The following CALU variants were observed in gnomAD, a reference collection of about 807,000 sequenced individuals.
The protein encoded by CALU is IEF SSP 9302.
Under a neutral mutation model 37.5 loss-of-function variants are expected in CALU, and 13 were observed. The observed-to-expected ratio is 0.35, with a 90% CI of 0.23 to 0.55. The LOEUF (loss-of-function observed/expected upper bound fraction) is 0.55, where lower values mean the gene tolerates loss of function less well. CALU is among the 20% of genes least tolerant of loss of function. The pLI, the probability that CALU is intolerant of heterozygous loss-of-function variation, is 0.89. For missense variants in CALU, 282 were observed against 391.7 expected (o/e 0.72, Z 2.36); for synonymous variants, 114 against 133.8 (o/e 0.85, Z 1.02).
intron 3 of CALU, among the ~76,000 whole-genome samples, chr7:128,758,415 T>C (rs1192509038): frequency 1.3e-5 from 2 of 152,224 alleles, no homozygotes; most frequent in East Asian, 3.8e-4. Flanking sequence ...AGCACTTAGA[T>C]ATATTTTCTC....
At chr7:128,768,766 T>C (rs565033769) in intron 6 of CALU, among the ~76,000 whole-genome samples, 1 of 142,342 alleles carries the variant, frequency 7.0e-6, no homozygotes, top group East Asian at 2.0e-4. Flanking sequence ...TAAATCACTT[T>C]AACACGGGAG....
intron 1 of CALU, among the ~76,000 whole-genome samples, chr7:128,745,814 C>G (rs1800409980): frequency 6.6e-6 from 1 of 152,136 alleles, no homozygotes; most frequent in Non-Finnish European, 1.5e-5. Context: ...ACACAGAAAG[C>G]TAATAAACAT....
chr7:128,769,958 G>A lies in CALU; in HGVS notation c.*791G>A, dbSNP rs1043595. 0.19 allele frequency: 28,366 copies of A among 152,258 alleles called. 3,415 individuals are homozygous for A. The highest frequency in any genetic ancestry group is 0.27 in the Non-Finnish European group (18,656 of 67,990). The allele number at this position is 152,258 out of a possible 1,614,324, so 9.4% of individuals were successfully genotyped here. ...CTGGAAAACTAAAGGAAAAATACAA[G>A]TGTTTTCGGGGCATACATTTTTTTT... On this transcript the variant is annotated 3_prime_UTR_variant, in exon 7 of 7. Coordinates refer to ENST00000249364, the MANE Select transcript of CALU (RefSeq NM_001219.5).
At chr7:128,756,712 G>A (rs6959588) in intron 3 of CALU, among the ~76,000 whole-genome samples, 187 of 152,248 alleles carry the variant, frequency 1.2e-3, no homozygotes, top group African/African-American at 4.2e-3. Context: ...GCCAGCTAGG[G>A]CCAAAACTGG....
At chr7:128,752,957 T>C (rs1800735887) in intron 2 of CALU, among the ~76,000 whole-genome samples, 1 of 152,236 alleles carries the variant, frequency 6.6e-6, no homozygotes. Flanking sequence ...CCCAAAGTGC[T>C]GAGATTATAG....
At chr7:128,754,143 C>T in intron 2 of CALU, 119 bp from the exon 3 acceptor site, 1 of 721,048 alleles carries the variant, frequency 1.4e-6, no homozygotes. Flanking sequence ...GCTGGCCTGG[C>T]AGTTTTGTTT....
At chr7:128,757,388 T>TGC (rs1303328199) in intron 3 of CALU, among the ~76,000 whole-genome samples, 1 of 152,012 alleles carries the variant, frequency 6.6e-6, no homozygotes, top group South Asian at 2.1e-4. Context: ...TGTGTGTGTG[T>TGC]GTGTACACAG....
chr7:128,761,737 C>T (rs1225966962), intron 5 of CALU: 1 of 152,164 alleles, frequency 6.6e-6, no homozygotes, highest in Non-Finnish European at 1.5e-5. Flanking sequence ...TTCTAGCACA[C>T]CATTGGTTTT....
chr7:128,760,514 A>G (rs1255371483), intron 5 of CALU, among the ~76,000 whole-genome samples: 2 of 152,142 alleles, frequency 1.3e-5, no homozygotes, highest in African/African-American at 4.8e-5. Context: ...TACTTAAAGC[A>G]CATCCCAGCC....
intron 6 of CALU, 62 bp from the exon 7 acceptor site, chr7:128,768,999 AGT>A: frequency 3.3e-6 from 3 of 905,762 alleles, no homozygotes; most frequent in Non-Finnish European, 5.4e-6. Flanking sequence ...CTTCTATAAC[AGT>A]GTTTCTGAAT....
rs1801602887 is a variant in CALU at position 128,772,117 on chromosome 7, T to C, written c.*2950T>C. Among the ~76,000 whole-genome samples, 3 of 150,882 alleles carry C rather than the reference T, an allele frequency of 2.0e-5. No individual in the cohort carries two copies. The highest frequency in any genetic ancestry group is 4.4e-5 in the Non-Finnish European group (3 of 67,826). ...CTTTATGTCTCTCCCATTTCTAAAG[T>C]GTTTTCTTAAGTTTGTTCTAATTCA... is the stretch of plus-strand genomic sequence containing the variant. On this transcript the variant is annotated 3_prime_UTR_variant, in exon 7 of 7. Transcript: ENST00000249364.
At chr7:128,759,666 C>T in intron 4 of CALU, 126 bp from the exon 5 acceptor site, 1 of 637,584 alleles carries the variant, frequency 1.6e-6, no homozygotes, top group Admixed American at 2.4e-5. Context: ...TACATACATA[C>T]ATACATACAT....
chr7:128,759,569 A>G (rs988799037), intron 4 of CALU, among the ~76,000 whole-genome samples: 1 of 152,230 alleles, frequency 6.6e-6, no homozygotes, highest in African/African-American at 2.4e-5. Flanking sequence ...AGGAAGACTC[A>G]GTTATTTTAG....
intron 1 of CALU, among the ~76,000 whole-genome samples, chr7:128,745,413 C>T (rs765709242): frequency 6.6e-6 from 1 of 151,654 alleles, no homozygotes; most frequent in Non-Finnish European, 1.5e-5. Context: ...TGAGACCAGT[C>T]TGGGCAACAT....
At chr7:128,749,093 A>C (rs1427815948) in intron 2 of CALU, among the ~76,000 whole-genome samples, 1 of 152,228 alleles carries the variant, frequency 6.6e-6, no homozygotes, top group Non-Finnish European at 1.5e-5. Flanking sequence ...CCAGAAGAAC[A>C]TAGCATGGGG....
In CALU at chr7:128,772,064, TTTTTTTTTTTGTTTTG is replaced by T. The variant is rs373779393; in HGVS notation, c.*2902_*2917del. Among the ~76,000 whole-genome samples, 39,749 of 130,544 alleles carry T rather than the reference TTTTTTTTTTTGTTTTG, an allele frequency of 0.3. 5,998 individuals are homozygous for T. Among genetic ancestry groups the T allele is most frequent in the Non-Finnish European group, 0.38 (24,427 of 63,878 alleles). The allele number at this position is 130,544 out of a possible 152,430, so 85.6% of individuals were successfully genotyped here. A position where few individuals can be genotyped will look rare whatever the true frequency, so the allele number is the denominator to read the frequency against. On this transcript the variant is annotated 3_prime_UTR_variant, in exon 7 of 7. Transcript: ENST00000249364. ...ATTTGGGGCCACTGAGTTTTTTTTG[TTTTTTTTTTTGTTTTG>T]TTTTGTTTTTTCTTTATGTCTCTCC...
In CALU at chr7:128,772,404, G is replaced by A; in HGVS notation, c.*3237G>A. 1.9e-6 allele frequency: 2 copies of A among 1,046,594 alleles called. No homozygotes were observed. Among genetic ancestry groups the A allele is most frequent in the Non-Finnish European group, 2.9e-6 (2 of 700,444 alleles). 64.8% of individuals were successfully genotyped at this position (1,046,594 alleles called of 1,614,324 possible). On this transcript the variant is annotated 3_prime_UTR_variant, in exon 7 of 7. Transcript: ENST00000249364. ...GGCAATAGTAAGAAAATGAAAAATT[G>A]ACTCCCCAAACTGCCATCACTCCTT...
At chr7:128,747,286 G>A (rs1233134175) in intron 1 of CALU, among the ~76,000 whole-genome samples, 1 of 152,196 alleles carries the variant, frequency 6.6e-6, no homozygotes, top group East Asian at 1.9e-4. Context: ...TAGGAATAGA[G>A]TAATAAGTAC....
Position 128,758,962 on chromosome 7 carries a change from C to A in CALU, c.507C>A (p.Leu169=), listed in dbSNP as rs751611721. ...RFKMADKDGD[L]IATKEEFTAF... ...AAATGGCAGACAAGGATGGAGACCT[C>A]ATTGCCACCAAGGAGGAGTTCACAG... is the stretch of plus-strand genomic sequence containing the variant. The change falls in exon 4 of 7, where the codon CTC becomes CTA. Residue 169 remains leucine, a synonymous_variant. Transcript: ENST00000249364. 5 of 1,613,706 alleles carry A rather than the reference C, an allele frequency of 3.1e-6. 1 individual carries two copies. The South Asian group carries it at 4.4e-5, about 14-fold the overall frequency.
Sources: allele counts gnomAD v4.1 joint callset (sites outside exome capture counted in the v4.1 genomes callset), GRCh38; gene constraint gnomAD v4.1.1; transcripts MANE v1.5; gene names NCBI Gene and HGNC (gene_info 2026-07-23, HGNC 2026-07-21).